MAK: variants seen among roughly 807,000 people sequenced by gnomAD.
MAK encodes the protein serine/threonine-protein kinase MAK.
MAK carries 65 observed loss-of-function variants against 82.6 expected under a neutral mutation model. The observed-to-expected ratio is 0.79, with a 90% CI of 0.64 to 0.97. The LOEUF (loss-of-function observed/expected upper bound fraction) is 0.97, where lower values mean the gene tolerates loss of function less well. Ranked by LOEUF, MAK falls within the 50% of genes least tolerant of loss-of-function variation. The probability of loss-of-function intolerance (pLI) is 0.00; values close to 1 mark genes in which losing one functional copy is unlikely to be tolerated. For missense variants in MAK, 703 were observed against 780.2 expected, an observed-to-expected ratio of 0.90 and a Z score of 1.18; for synonymous variants, 250 against 274.2, an observed-to-expected ratio of 0.91 and a Z score of 0.87.
At chr6:10,778,468 G>A (rs1237998351) in intron 11 of MAK, among the ~76,000 whole-genome samples, 1 of 152,172 alleles carries the variant, frequency 6.6e-6, no homozygotes, top group Non-Finnish European at 1.5e-5. Context: ...AGACCTTGGC[G>A]ATGACCTTCA....
chr6:10,796,238 C>G lies in MAK; in HGVS notation c.903G>C (p.Gln301His). The change falls in exon 9 of 15, where the codon CAG becomes CAC. Residue 301 changes from glutamine (Q) to histidine (H), a missense_variant. Coordinates refer to ENST00000354489, the MANE Select transcript of MAK (RefSeq NM_001242957.3). Reference sequence around the variant, plus strand: ...ATGGTTGCAGCTGCTTATTTAAAGACTGTTTTGATTCCAGATGATTTGACG... The same window carrying G: ...ATGGTTGCAGCTGCTTATTTAAAGAGTGTTTTGATTCCAGATGATTTGACG... ...GPSSNHLESKQSLNKQLQPLE... is the reference protein window; with the variant it reads ...GPSSNHLESKHSLNKQLQPLE... 6.2e-7 allele frequency: 1 copy of G among 1,614,164 alleles called. No individual in the cohort carries two copies. The highest frequency in any genetic ancestry group is 8.5e-7 in the Non-Finnish European group (1 of 1,180,026).
intron 4 of MAK, among the ~76,000 whole-genome samples, chr6:10,815,911 A>AATATATATATATATATATAT (rs1561991497): frequency 2.8e-4 from 22 of 78,164 alleles, no homozygotes; most frequent in African/African-American, 1.1e-3. Context: ...AGCTTTATAC[A>AATATATATATATATATATAT]GTATATATAT....
intron 4 of MAK, among the ~76,000 whole-genome samples, chr6:10,815,284 ATTAT>A (rs1017301765): frequency 6.6e-6 from 1 of 152,084 alleles, no homozygotes; most frequent in Non-Finnish European, 1.5e-5. Context: ...TGTTTTTTTA[ATTAT>A]TTATTTTTAA....
At chr6:10,787,847 C>T (rs1158109606) in intron 10 of MAK, among the ~76,000 whole-genome samples, 7 of 95,552 alleles carry the variant, frequency 7.3e-5, no homozygotes, top group Admixed American at 2.3e-4. Context: ...GGTGACAGAG[C>T]GAGACTGTCT....
At chr6:10,789,724 C>A (rs1330814655) in intron 10 of MAK, among the ~76,000 whole-genome samples, 2 of 152,224 alleles carry the variant, frequency 1.3e-5, no homozygotes, top group South Asian at 4.1e-4. Flanking sequence ...GTGGCACAAT[C>A]TCGGCTCACC....
chr6:10,764,677 T>C, intron 14 of MAK, 71 bp from the exon 15 acceptor site: 1 of 1,335,620 alleles, frequency 7.5e-7, no homozygotes, highest in East Asian at 2.3e-5. Context: ...AAGAAATTCA[T>C]CCTCTCATTT....
At chr6:10,784,670 C>G (rs1400472205) in intron 10 of MAK, 98 bp from the exon 11 acceptor site, 1 of 1,102,774 alleles carries the variant, frequency 9.1e-7, no homozygotes, top group Non-Finnish European at 1.4e-6. Flanking sequence ...TCTTCCTAAG[C>G]CAGTCAATCT....
chr6:10,772,947 A>G (rs940717922), intron 13 of MAK, 87 bp downstream of exon 13: 2 of 865,176 alleles, frequency 2.3e-6, no homozygotes, highest in East Asian at 2.7e-5. Flanking sequence ...TCGGCCTTTT[A>G]TGTCAGGATT....
chr6:10,775,734 G>A (rs954616875), intron 11 of MAK, among the ~76,000 whole-genome samples: 8 of 152,142 alleles, frequency 5.3e-5, no homozygotes, highest in Admixed American at 1.3e-4. Flanking sequence ...TAAGGGTCTT[G>A]TAAAAATTGA....
intron 12 of MAK, 93 bp downstream of exon 12, chr6:10,775,235 T>C (rs2127518695): frequency 7.0e-7 from 1 of 1,434,162 alleles, no homozygotes; most frequent in Non-Finnish European, 9.7e-7. Flanking sequence ...CAAGTGCACA[T>C]GTATCTTGGT....
At chr6:10,806,652 C>T (rs1426375603) in intron 6 of MAK, among the ~76,000 whole-genome samples, 1 of 151,866 alleles carries the variant, frequency 6.6e-6, no homozygotes, top group Admixed American at 6.6e-5. Flanking sequence ...CCACTGTGCC[C>T]GGCCTAATTT....
intron 11 of MAK, among the ~76,000 whole-genome samples, chr6:10,782,144 T>A (rs557080276): frequency 1.1e-4 from 16 of 151,242 alleles, no homozygotes; most frequent in African/African-American, 3.9e-4. Flanking sequence ...GAGGATGAGG[T>A]TGCAGTGAGC....
At chr6:10,778,437 AT>A (rs1439368457) in intron 11 of MAK, among the ~76,000 whole-genome samples, 1 of 152,170 alleles carries the variant, frequency 6.6e-6, no homozygotes, top group Non-Finnish European at 1.5e-5. Flanking sequence ...TGAGGTTGCA[AT>A]TTTTTGAAAT....
intron 14 of MAK, among the ~76,000 whole-genome samples, chr6:10,768,175 A>G (rs2127507689): frequency 6.6e-6 from 1 of 152,334 alleles, no homozygotes. Context: ...AAAGGCCTTC[A>G]ATATCTTACA....
chr6:10,789,683 G>A (rs184519477), intron 10 of MAK, among the ~76,000 whole-genome samples: 21 of 152,042 alleles, frequency 1.4e-4, no homozygotes, highest in Admixed American at 3.3e-4. Flanking sequence ...GTTTTGAGAC[G>A]GAGTCTCACT....
chr6:10,835,913 G>C (rs1190567016), intron 1 of MAK, among the ~76,000 whole-genome samples: 2 of 152,208 alleles, frequency 1.3e-5, no homozygotes, highest in Non-Finnish European at 2.9e-5. Context: ...CCGCCCTGGG[G>C]TGGGAGGGTG....
At position 10,776,296 on chromosome 6, in the gene MAK, A is replaced by G. The variant is rs1773453706; in HGVS notation, c.1466-837T>C. On this transcript the variant is annotated intron_variant, in intron 11 of 14. Transcript: ENST00000354489. This position sits in a 1 kb window ranked among gnomAD's most constrained non-coding sequence, Gnocchi z 4.3. Reference sequence around the variant, plus strand: ...GTGCGCCAGAAAGAAGTCATTGCAAATGTACTTGGAAAAAGAACAGTTTAA... The same window carrying G: ...GTGCGCCAGAAAGAAGTCATTGCAAGTGTACTTGGAAAAAGAACAGTTTAA... Among the ~76,000 whole-genome samples the G allele has an allele frequency of 6.6e-6, 1 of 152,350 alleles. No homozygotes were observed. The highest frequency in any genetic ancestry group is 1.9e-4 in the East Asian group (1 of 5,192).
intron 5 of MAK, among the ~76,000 whole-genome samples, chr6:10,812,748 A>G (rs1220556557): frequency 6.6e-6 from 1 of 151,964 alleles, no homozygotes; most frequent in Non-Finnish European, 1.5e-5. Context: ...GAAGATAATT[A>G]TAGATTATAG....
intron 2 of MAK, among the ~76,000 whole-genome samples, chr6:10,827,067 C>T (rs759974530): frequency 6.6e-5 from 10 of 152,174 alleles, no homozygotes; most frequent in East Asian, 3.9e-4. Flanking sequence ...GCTGAGATCG[C>T]GCCACTGCAC....
Sources: gnomAD v4.1 joint callset for allele counts (sites outside exome capture counted in the v4.1 genomes callset) on GRCh38, gnomAD v4.1.1 for gene constraint, Gnocchi (gnomAD v3.1) non-coding constraint, MANE v1.5 for transcripts, NCBI Gene and HGNC (gene_info 2026-07-23, HGNC 2026-07-21) for gene names.